VAPA: variants seen among roughly 807,000 people sequenced by gnomAD.
The protein encoded by VAPA is VAMP associated protein A.
In VAPA, 6 loss-of-function variants were observed where a neutral mutation model predicts 25.6. The observed-to-expected ratio is 0.23, with a 90% CI of 0.13 to 0.46. The LOEUF is 0.46. Ranked by LOEUF, VAPA falls within the 20% of genes least tolerant of loss-of-function variation. The pLI, the probability that VAPA is intolerant of heterozygous loss-of-function variation, is 0.99. For missense variants in VAPA, 244 were observed against 302.1 expected (o/e 0.81, Z 1.43); for synonymous variants, 112 against 106.2 (o/e 1.05, Z -0.34).
chr18:9,942,956 A>C (rs796244987), intron 4 of VAPA, among the ~76,000 whole-genome samples: 21 of 152,114 alleles, frequency 1.4e-4, no homozygotes, highest in African/African-American at 3.9e-4. Flanking sequence ...GTATGCGTAT[A>C]CCCCACTTGT....
At chr18:9,944,803 C>A (rs574130601) in intron 4 of VAPA, 3 of 1,213,872 alleles carry the variant, frequency 2.5e-6, no homozygotes, top group South Asian at 1.8e-5. Context: ...TGCATTAATG[C>A]ATTTTTATAA....
intron 4 of VAPA, among the ~76,000 whole-genome samples, chr18:9,940,700 A>G (rs1040104220): frequency 2.0e-5 from 3 of 152,208 alleles, no homozygotes; most frequent in African/African-American, 7.2e-5. Context: ...TGGTGTTTCA[A>G]TTACAGCAAT....
intron 4 of VAPA, among the ~76,000 whole-genome samples, chr18:9,946,436 G>T (rs982912478): frequency 6.6e-6 from 1 of 151,158 alleles, no homozygotes; most frequent in Non-Finnish European, 1.5e-5. Flanking sequence ...CCTCAAATTC[G>T]TAAACTTTCT....
At chr18:9,934,131 C>T (rs2069284355) in intron 2 of VAPA, among the ~76,000 whole-genome samples, 1 of 152,190 alleles carries the variant, frequency 6.6e-6, no homozygotes, top group Non-Finnish European at 1.5e-5. Flanking sequence ...TAGTGTATTT[C>T]CATTTACAGT....
In VAPA at chr18:9,936,162, T is replaced by G; in HGVS notation, c.285T>G (p.Phe95Leu). Residue 95 changes from phenylalanine to leucine, a missense_variant, in exon 3 of 6, where the codon TTT (phenylalanine) becomes TTG (leucine). By Grantham distance (22) the Phe-to-Leu change is conservative. Coordinates refer to ENST00000400000, the MANE Select transcript of VAPA (RefSeq NM_194434.3). Reference sequence around the variant, plus strand: ...CGAATGAAAAGAGTAAACACAAGTTTATGGTACAGACAATTTTTGCTCCAC... The same window carrying G: ...CGAATGAAAAGAGTAAACACAAGTTGATGGTACAGACAATTTTTGCTCCAC... ...YDPNEKSKHK[F>L]MVQTIFAPPN... The G allele has an allele frequency of 6.2e-7, 1 of 1,608,502 alleles. No individual in the cohort carries two copies. The highest frequency in any genetic ancestry group is 8.5e-7 in the Non-Finnish European group (1 of 1,177,334).
At chr18:9,922,870 G>A (rs1475853751) in intron 1 of VAPA, among the ~76,000 whole-genome samples, 8 of 151,936 alleles carry the variant, frequency 5.3e-5, no homozygotes, top group African/African-American at 1.9e-4. Context: ...TTCAGTATGG[G>A]TTTTTTTAAT....
chr18:9,952,372 G>A (rs1401112736), intron 5 of VAPA, among the ~76,000 whole-genome samples: 1 of 151,986 alleles, frequency 6.6e-6, no homozygotes, highest in Non-Finnish European at 1.5e-5. Context: ...TTCCAGACCA[G>A]CCTGGCCAAC....
rs1599123810 is a variant in VAPA at position 9,956,418 on chromosome 18, C to T, written c.*2207C>T. The T allele has an allele frequency of 6.6e-6, 1 of 152,306 alleles. No homozygotes were observed. The highest frequency in any genetic ancestry group is 2.4e-5 in the African/African-American group (1 of 41,444). The allele number at this position is 152,306 out of a possible 1,614,324, so 9.4% of individuals were successfully genotyped here. A position where few individuals can be genotyped will look rare whatever the true frequency, so the allele number is the denominator to read the frequency against. On this transcript the variant is annotated 3_prime_UTR_variant, in exon 6 of 6. Transcript: ENST00000400000. ...GTTATAGTGTTTAGGCTAGAAATGC[C>T]TCCCACATTGGTAATAAACATTACA...
intron 1 of VAPA, among the ~76,000 whole-genome samples, chr18:9,918,971 G>C (rs1471772383): frequency 6.6e-6 from 1 of 152,172 alleles, no homozygotes; most frequent in East Asian, 1.9e-4. Context: ...CACGTTCTTG[G>C]CTCACTGCAG....
chr18:9,946,132 G>T (rs927823922), intron 4 of VAPA, among the ~76,000 whole-genome samples: 1 of 152,052 alleles, frequency 6.6e-6, no homozygotes, highest in Non-Finnish European at 1.5e-5. Context: ...TGGGATATTA[G>T]AACTGAAATT....
At chr18:9,937,173 CA>C in intron 4 of VAPA, 107 bp downstream of exon 4, 1 of 650,804 alleles carries the variant, frequency 1.5e-6, no homozygotes, top group Non-Finnish European at 2.5e-6. Flanking sequence ...ATGGCTATTA[CA>C]CTTCATAAGA....
Position 9,957,992 on chromosome 18 carries a change from CAT to C in VAPA, c.*3786_*3787del, listed in dbSNP as rs1228938775. 1.3e-5 allele frequency: 2 copies of C among 152,222 alleles called. No individual in the cohort carries two copies. The highest frequency in any genetic ancestry group is 1.5e-5 in the Non-Finnish European group (1 of 68,032). 9.4% of individuals were successfully genotyped at this position (152,222 alleles called of 1,614,324 possible). ...GTGGGTTGGTGCAAAGAAGTATAAA[CAT>C]ATATCACTAAGGAAAAAGAAAGTTT... On this transcript the variant is annotated 3_prime_UTR_variant, in exon 6 of 6. Transcript: ENST00000400000.
chr18:9,925,937 A>C (rs1229588049), intron 1 of VAPA, among the ~76,000 whole-genome samples: 1 of 152,112 alleles, frequency 6.6e-6, no homozygotes, highest in African/African-American at 2.4e-5. Context: ...ATACGTACAA[A>C]ATTTATGAGA....
At chr18:9,934,635 A>G (rs1346072949) in intron 2 of VAPA, among the ~76,000 whole-genome samples, 1 of 152,164 alleles carries the variant, frequency 6.6e-6, no homozygotes, top group African/African-American at 2.4e-5. Flanking sequence ...AAGTGTAGAG[A>G]TATATCTTAG....
In VAPA at chr18:9,914,132, A is replaced by G; in HGVS notation, c.-125A>G. 1.3e-6 allele frequency: 1 copy of G among 763,312 alleles called. No individual in the cohort carries two copies. Among genetic ancestry groups the G allele is most frequent in the South Asian group, 2.0e-5 (1 of 50,490 alleles). 47.3% of individuals were successfully genotyped at this position (763,312 alleles called of 1,614,324 possible). ...AACCGGTGACACAGCGGCAGGCGTT[A>G]GGGCTCGGGAGCCGCGAGCCTGGCC... On this transcript the variant is annotated 5_prime_UTR_variant, in exon 1 of 6. Transcript: ENST00000400000.
At chr18:9,932,778 T>G (rs990652543) in intron 2 of VAPA, among the ~76,000 whole-genome samples, 4 of 152,134 alleles carry the variant, frequency 2.6e-5, no homozygotes, top group African/African-American at 9.7e-5. Context: ...TGGATTCATC[T>G]CTCCCAGATT....
At chr18:9,919,438 C>A (rs1020832186) in intron 1 of VAPA, among the ~76,000 whole-genome samples, 12 of 152,108 alleles carry the variant, frequency 7.9e-5, no homozygotes, top group African/African-American at 2.9e-4. Flanking sequence ...GCCATGTTTT[C>A]ATGGGGCAGT....
intron 5 of VAPA, among the ~76,000 whole-genome samples, chr18:9,953,079 G>A (rs563250160): frequency 9.3e-4 from 141 of 152,244 alleles, no homozygotes; most frequent in Non-Finnish European, 1.4e-3. Flanking sequence ...AGACAACTGT[G>A]TAGTTAACAG....
intron 4 of VAPA, 112 bp from the exon 5 acceptor site, chr18:9,950,283 G>A (rs763456182): frequency 8.8e-7 from 1 of 1,134,470 alleles, no homozygotes; most frequent in Non-Finnish European, 1.3e-6. Flanking sequence ...ACTGATTTAG[G>A]CCTTTTAAAG....
Sources: allele counts gnomAD v4.1 joint callset (sites outside exome capture counted in the v4.1 genomes callset), GRCh38; gene constraint gnomAD v4.1.1; transcripts MANE v1.5; gene names NCBI Gene and HGNC (gene_info 2026-07-23, HGNC 2026-07-21).